Variants in BCL2L11 observed in about 807,000 individuals in gnomAD.
The protein encoded by BCL2L11 is BCL2 like 11.
BCL2L11 carries 15 observed loss-of-function variants against 20.6 expected under a neutral mutation model. That is an observed-to-expected ratio of 0.73 (90% confidence interval 0.49 to 1.12). The LOEUF is 1.12. Ranked by LOEUF, BCL2L11 falls within the 50% of genes most tolerant of loss-of-function variation. The pLI, the probability that BCL2L11 is intolerant of heterozygous loss-of-function variation, is 0.00. For synonymous variants in BCL2L11, 108 were observed against 92.8 expected (o/e 1.16, Z -0.94); for missense variants, 292 against 260.9 (o/e 1.12, Z -0.82).
At chr2:111,151,918 G>A in intron 3 of BCL2L11, 1 of 1,507,770 alleles carries the variant, frequency 6.6e-7, no homozygotes, top group Non-Finnish European at 9.0e-7. Flanking sequence ...ACTTTGGTTG[G>A]TTTTATAACT....
chr2:111,147,346 TCACACACACACACACACA>T (rs70962921), intron 2 of BCL2L11, among the ~76,000 whole-genome samples: 23 of 137,324 alleles, frequency 1.7e-4, no homozygotes, highest in South Asian at 2.4e-4. Context: ...TCTCTCTCTC[TCACACACACACACACACA>T]CACACACACA....
intron 1 of BCL2L11, chr2:111,122,786 C>T (rs1441717300): frequency 1.0e-6 from 1 of 985,188 alleles, no homozygotes; most frequent in Non-Finnish European, 1.2e-6. Flanking sequence ...GGACTCTGAA[C>T]CCGAGTCCCG....
At chr2:111,153,693 T>C in intron 3 of BCL2L11, 2 of 1,474,578 alleles carry the variant, frequency 1.4e-6, no homozygotes, top group East Asian at 2.5e-5. Context: ...ATTTGCTTAA[T>C]GCTATTACAA....
chr2:111,128,768 C>T, intron 2 of BCL2L11: 6 of 1,543,384 alleles, frequency 3.9e-6, no homozygotes, highest in Middle Eastern at 2.1e-4. Context: ...TTTATAGCCA[C>T]AGCCACCTCT....
At chr2:111,138,015 T>TC (rs1047653305) in intron 2 of BCL2L11, among the ~76,000 whole-genome samples, 2 of 147,564 alleles carry the variant, frequency 1.4e-5, no homozygotes, top group South Asian at 2.1e-4. Flanking sequence ...TTTCTTTCTT[T>TC]TTTTTTTTTT....
chr2:111,162,566 G>A (rs952185197), intron 3 of BCL2L11, among the ~76,000 whole-genome samples: 52 of 152,172 alleles, frequency 3.4e-4, no homozygotes, highest in African/African-American at 1.2e-3. Context: ...TCCCTTGGAC[G>A]CTGCCAGTGC....
intron 3 of BCL2L11, chr2:111,161,268 C>G (rs1250577045): frequency 1.3e-5 from 13 of 978,754 alleles, no homozygotes; most frequent in Non-Finnish European, 2.0e-5. Context: ...GGAAGATACC[C>G]AGAAGTTTCA....
At chr2:111,154,023 G>C (rs994273659) in intron 3 of BCL2L11, 19 of 1,128,082 alleles carry the variant, frequency 1.7e-5, no homozygotes. Context: ...TACTACTCCA[G>C]TGGATTTTGG....
intron 1 of BCL2L11, among the ~76,000 whole-genome samples, chr2:111,122,082 C>T (rs2071123520): frequency 6.6e-6 from 1 of 152,078 alleles, no homozygotes; most frequent in Non-Finnish European, 1.5e-5. Flanking sequence ...TGGTCGCGGA[C>T]GTGCGCGTCC....
At chr2:111,122,752 G>C in intron 1 of BCL2L11, 1 of 985,452 alleles carries the variant, frequency 1.0e-6, no homozygotes, top group Non-Finnish European at 1.2e-6. Flanking sequence ...CTGGCGGGAA[G>C]GCGCGGGCTT....
At chr2:111,127,589 C>T (rs2072949693) in intron 2 of BCL2L11, among the ~76,000 whole-genome samples, 1 of 151,990 alleles carries the variant, frequency 6.6e-6, no homozygotes, top group Non-Finnish European at 1.5e-5. Context: ...AGAGTCAGTC[C>T]AGCTCTGCCT....
At chr2:111,140,353 C>T (rs1430827046) in intron 2 of BCL2L11, among the ~76,000 whole-genome samples, 1 of 152,146 alleles carries the variant, frequency 6.6e-6, no homozygotes, top group East Asian at 1.9e-4. Flanking sequence ...TACCTTGGGG[C>T]CTTTTCCCCC....
At chr2:111,122,584 G>T (rs2071321761) in intron 1 of BCL2L11, 28 of 983,434 alleles carry the variant, frequency 2.8e-5, no homozygotes, top group Non-Finnish European at 3.1e-5. Flanking sequence ...GGCGCCAGCG[G>T]CGCGGGGAGG....
chr2:111,158,111 C>T (rs888090215), intron 3 of BCL2L11, among the ~76,000 whole-genome samples: 10 of 152,212 alleles, frequency 6.6e-5, no homozygotes, highest in African/African-American at 2.4e-4. Context: ...GCTCAGCTGC[C>T]GTTTGACTGT....
chr2:111,146,618 C>T (rs1027767522), intron 2 of BCL2L11, among the ~76,000 whole-genome samples: 9 of 152,142 alleles, frequency 5.9e-5, no homozygotes, highest in African/African-American at 1.2e-4. Context: ...TCGTGCTGAT[C>T]GGTGCCACTG....
At chr2:111,122,590 G>C (rs1331735392) in intron 1 of BCL2L11, 1 of 983,750 alleles carries the variant, frequency 1.0e-6, no homozygotes, top group African/African-American at 1.8e-5. Flanking sequence ...AGCGGCGCGG[G>C]GAGGTCGGCG....
chr2:111,164,877 C>G lies in BCL2L11; in HGVS notation c.*646C>G, dbSNP rs1446602545. 6.6e-6 allele frequency: 1 copy of G among 152,492 alleles called. No individual in the cohort carries two copies. Among genetic ancestry groups the G allele is most frequent in the African/African-American group, 2.4e-5 (1 of 41,428 alleles). The allele number at this position is 152,492 out of a possible 1,614,324, so 9.4% of individuals were successfully genotyped here. On this transcript the variant is annotated 3_prime_UTR_variant, in exon 4 of 4. Coordinates refer to ENST00000393256, the MANE Select transcript of BCL2L11 (RefSeq NM_138621.5). Reference sequence around the variant, plus strand: ...CTGTTGCCAGCCTGCATTGATATACCAGTCCCATTTGTAAATATTTACGTA... The same window carrying G: ...CTGTTGCCAGCCTGCATTGATATACGAGTCCCATTTGTAAATATTTACGTA...
intron 2 of BCL2L11, among the ~76,000 whole-genome samples, chr2:111,141,061 C>T (rs1413017481): frequency 7.9e-5 from 12 of 152,176 alleles, no homozygotes; most frequent in Admixed American, 7.9e-4. Flanking sequence ...CAGCCTTGGT[C>T]CTCCCATAGG....
At chr2:111,152,797 CGTATGTTTAAGA>C (rs2077403078) in intron 3 of BCL2L11, among the ~76,000 whole-genome samples, 1 of 152,168 alleles carries the variant, frequency 6.6e-6, no homozygotes, top group Non-Finnish European at 1.5e-5. Flanking sequence ...AATGTTTAAG[CGTATGTTTAAGA>C]TGGTCATGTC....
Sources: allele counts gnomAD v4.1 joint callset (sites outside exome capture counted in the v4.1 genomes callset), GRCh38; gene constraint gnomAD v4.1.1; transcripts MANE v1.5; gene names NCBI Gene and HGNC (gene_info 2026-07-23, HGNC 2026-07-21).